Variants in ZNF536 observed in about 807,000 individuals in gnomAD.
ZNF536 encodes the protein zinc finger protein 536.
In ZNF536, 13 loss-of-function variants were observed where a neutral mutation model predicts 84.5. The ratio of observed to expected loss-of-function variants is 0.15; its 90% CI spans 0.10 to 0.24. The LOEUF is 0.24. Among genes scored for constraint, ZNF536 ranks in the 10% least tolerant of loss-of-function variants. ZNF536 has a pLI of 1.00. For missense variants in ZNF536, 1,536 were observed against 1,747.5 expected (o/e 0.88, Z 2.16); for synonymous variants, 811 against 742.5 (o/e 1.09, Z -1.50).
intron 1 of ZNF536, among the ~76,000 whole-genome samples, chr19:30,390,173 A>G (rs180756819): frequency 6.5e-4 from 99 of 152,058 alleles, no homozygotes; most frequent in African/African-American, 2.2e-3. Flanking sequence ...CAGGGGGGTT[A>G]AGGTTGTGTT....
At chr19:30,229,095 C>CA (rs1183862720) in intron 1 of ZNF536, among the ~76,000 whole-genome samples, 3 of 152,080 alleles carry the variant, frequency 2.0e-5, no homozygotes, top group Non-Finnish European at 4.4e-5. Context: ...ATGCTTCCCC[C>CA]ATTATTCTAA....
chr19:30,319,811 T>C (rs990581858), intron 2 of ZNF536, among the ~76,000 whole-genome samples: 2 of 152,244 alleles, frequency 1.3e-5, no homozygotes, highest in African/African-American at 4.8e-5. Context: ...TTAATCAATA[T>C]CATCAGCTGT....
intron 1 of ZNF536, among the ~76,000 whole-genome samples, chr19:30,699,759 C>T (rs1389351763): frequency 3.9e-5 from 6 of 152,128 alleles, no homozygotes; most frequent in Non-Finnish European, 8.8e-5. Context: ...GGCTGGCATC[C>T]TCCCATTTTG....
intron 1 of ZNF536, among the ~76,000 whole-genome samples, chr19:30,383,749 CT>C (rs1484465425): frequency 2.4e-3 from 14 of 5,740 alleles, no homozygotes; most frequent in Middle Eastern, 0.083. Context: ...CTTTCTCTTT[CT>C]TTCTTTCTCT....
At chr19:30,257,636 T>C (rs2024978665) in intron 1 of ZNF536, among the ~76,000 whole-genome samples, 2 of 152,222 alleles carry the variant, frequency 1.3e-5, no homozygotes, top group Non-Finnish European at 2.9e-5. Context: ...AGGTTGACTC[T>C]GTTTACAGGG....
chr19:30,700,473 C>T (rs1008293303), intron 1 of ZNF536, among the ~76,000 whole-genome samples: 28 of 151,958 alleles, frequency 1.8e-4, no homozygotes, highest in African/African-American at 6.8e-4. Flanking sequence ...CTGCAATCTC[C>T]AACTCTTGGG....
At chr19:30,279,784 G>A (rs143655077) in intron 1 of ZNF536, among the ~76,000 whole-genome samples, 5 of 152,308 alleles carry the variant, frequency 3.3e-5, no homozygotes, top group Non-Finnish European at 5.9e-5. Context: ...GACTTAGTTG[G>A]GCACCCAGCT....
chr19:30,318,421 G>A lies in ZNF536; in HGVS notation c.-119-33947G>A, dbSNP rs565282953. On this transcript the variant is annotated intron_variant, in intron 2 of 5. Coordinates refer to the ZNF536 transcript ENST00000585628. Reference sequence around the variant, plus strand: ...AAATGATGCAGACCAAGGCTAGGGCGGGCAGATGCCTTTGCAATGGAATTA... The same window carrying A: ...AAATGATGCAGACCAAGGCTAGGGCAGGCAGATGCCTTTGCAATGGAATTA... 4.6e-5 allele frequency among the ~76,000 whole-genome samples: 7 copies of A among 152,354 alleles called. 1 individual carries two copies. The South Asian group carries it at 1.0e-3, about 23-fold the overall frequency.
intron 2 of ZNF536, among the ~76,000 whole-genome samples, chr19:30,446,945 TGAAA>T (rs1477464926): frequency 6.6e-6 from 1 of 152,176 alleles, no homozygotes; most frequent in African/African-American, 2.4e-5. Flanking sequence ...GATAGTAAAT[TGAAA>T]GTTATCTCTA....
intron 1 of ZNF536, among the ~76,000 whole-genome samples, chr19:30,431,677 C>T (rs927846314): frequency 7.2e-5 from 11 of 152,160 alleles, no homozygotes; most frequent in East Asian, 1.9e-4. Context: ...CAAATGTAAA[C>T]GGCTTTAATC....
chr19:30,692,246 G>T (rs2050996011), intron 1 of ZNF536, among the ~76,000 whole-genome samples: 4 of 152,204 alleles, frequency 2.6e-5, no homozygotes. Flanking sequence ...TGCCTGCACC[G>T]AGGGCTGGGA....
intron 1 of ZNF536, among the ~76,000 whole-genome samples, chr19:30,676,219 T>C (rs1469326880): frequency 6.6e-6 from 1 of 152,222 alleles, no homozygotes; most frequent in Non-Finnish European, 1.5e-5. Flanking sequence ...TTCATGTCTT[T>C]GCATGCAGTT....
At chr19:30,572,619 G>A (rs149498834) in intron 1 of ZNF536, among the ~76,000 whole-genome samples, 2,989 of 152,316 alleles carry the variant, frequency 0.02, 36 homozygotes, top group Middle Eastern at 0.031. Flanking sequence ...CTTGCACAGC[G>A]TTGGCAGATG....
intron 1 of ZNF536, among the ~76,000 whole-genome samples, chr19:30,402,805 A>ATATATATATATATAATTT: frequency 7.2e-6 from 1 of 139,092 alleles, no homozygotes; most frequent in South Asian, 2.3e-4. Flanking sequence ...AAATATATAT[A>ATATATATATATATAATTT]TATATATATA....
At chr19:30,564,062 G>C (rs922585019) in intron 1 of ZNF536, among the ~76,000 whole-genome samples, 1 of 152,126 alleles carries the variant, frequency 6.6e-6, no homozygotes, top group Non-Finnish European at 1.5e-5. Flanking sequence ...ACAAGAGGGG[G>C]TGAATGGCTG....
chr19:30,242,411 G>A (rs1214166682), intron 1 of ZNF536, among the ~76,000 whole-genome samples: 3 of 152,134 alleles, frequency 2.0e-5, no homozygotes, highest in Non-Finnish European at 4.4e-5. Flanking sequence ...TTGTATGGCA[G>A]CATTGGGTTA....
intron 1 of ZNF536, among the ~76,000 whole-genome samples, chr19:30,620,198 C>T (rs148200725): frequency 0.013 from 1,926 of 152,260 alleles, 44 homozygotes; most frequent in African/African-American, 0.044. Flanking sequence ...AATGCCTGGC[C>T]TCAAGGGGCA....
rs1442964951 is a variant in ZNF536, at chr19:30,228,987, G to A, written c.-190+314G>A. On this transcript the variant is annotated intron_variant, in intron 1 of 5. Coordinates refer to the ZNF536 transcript ENST00000585628. This position sits in a 1 kb window ranked among gnomAD's most constrained non-coding sequence, Gnocchi z 4.5. Reference sequence around the variant, plus strand: ...TGGGCATCTTGCCTGGGTCGGGGGCGGGCAGTCGGTCCCAGTGGCCGCCGC... The same window carrying A: ...TGGGCATCTTGCCTGGGTCGGGGGCAGGCAGTCGGTCCCAGTGGCCGCCGC... 6.6e-6 allele frequency among the ~76,000 whole-genome samples: 1 copy of A among 151,894 alleles called. No homozygotes were observed. Among genetic ancestry groups the A allele is most frequent in the Non-Finnish European group, 1.5e-5 (1 of 67,940 alleles).
chr19:30,628,307 C>G (rs989743635), intron 1 of ZNF536, among the ~76,000 whole-genome samples: 1 of 152,234 alleles, frequency 6.6e-6, no homozygotes, highest in African/African-American at 2.4e-5. Flanking sequence ...ACCCCAGGAC[C>G]CTGTAGGCCT....
Sources: gnomAD v4.1 joint callset for allele counts (sites outside exome capture counted in the v4.1 genomes callset) on GRCh38, gnomAD v4.1.1 for gene constraint, Gnocchi (gnomAD v3.1) non-coding constraint, MANE v1.5 for transcripts, NCBI Gene and HGNC (gene_info 2026-07-23, HGNC 2026-07-21) for gene names.